The following DPP10 variants were observed in gnomAD, a reference collection of about 807,000 sequenced individuals.
The protein encoded by DPP10 is inactive dipeptidyl peptidase 10.
A neutral mutation model predicts 120.9 loss-of-function variants in DPP10; 33 were observed. The ratio of observed to expected loss-of-function variants is 0.27; its 90% CI spans 0.21 to 0.37. The LOEUF is 0.37. DPP10 is among the 10% of genes least tolerant of loss of function. The pLI, the probability that DPP10 is intolerant of heterozygous loss-of-function variation, is 1.00. For missense variants in DPP10, 816 were observed against 942.8 expected, an observed-to-expected ratio of 0.87 and a Z score of 1.76; for synonymous variants, 337 against 326.1, an observed-to-expected ratio of 1.03 and a Z score of -0.36.
intron 1 of DPP10, among the ~76,000 whole-genome samples, chr2:114,926,042 T>C (rs1022567027): frequency 1.3e-5 from 2 of 152,146 alleles, no homozygotes; most frequent in Non-Finnish European, 1.5e-5. Flanking sequence ...ATTGCAACAT[T>C]GTAACGTGTG....
chr2:115,660,479 C>A (rs909838883), intron 5 of DPP10, among the ~76,000 whole-genome samples: 1 of 152,030 alleles, frequency 6.6e-6, no homozygotes, highest in Admixed American at 6.6e-5. Context: ...AGATTTCTCC[C>A]CTGAAAATAG....
chr2:114,550,948 A>G (rs2104870485), intron 1 of DPP10, among the ~76,000 whole-genome samples: 1 of 152,320 alleles, frequency 6.6e-6, no homozygotes, highest in East Asian at 1.9e-4. Context: ...ATAGAGGTAA[A>G]CAGAGTTCTT....
At chr2:114,464,506 A>C (rs72949868) in intron 1 of DPP10, among the ~76,000 whole-genome samples, 9,940 of 152,184 alleles carry the variant, frequency 0.065, 564 homozygotes, top group African/African-American at 0.15. Flanking sequence ...CATATCGTTT[A>C]TTAGATATGG....
chr2:115,199,905 C>T (rs1226643171), intron 1 of DPP10, among the ~76,000 whole-genome samples: 2 of 152,064 alleles, frequency 1.3e-5, no homozygotes, highest in African/African-American at 4.8e-5. Context: ...CAAACATTGT[C>T]ATAACACCCA....
rs147190510 is a variant in DPP10, at chr2:114,751,283, A to C, written c.60+308445A>C. ...AAACTAAGCTTGAAGGTTCTGCAAA[A>C]TGCCAAATATATACAAGTGCTTTTG... On this transcript the variant is annotated intron_variant, in intron 1 of 25. Coordinates refer to ENST00000410059, the MANE Select transcript of DPP10 (RefSeq NM_020868.6). Among the ~76,000 whole-genome samples the C allele has an allele frequency of 1.2e-3, 179 of 152,350 alleles. 2 individuals carry two copies. The highest frequency in any genetic ancestry group is 9.9e-3 in the Admixed American group (152 of 15,308).
chr2:114,698,865 T>G (rs2105804800), intron 1 of DPP10, among the ~76,000 whole-genome samples: 1 of 152,266 alleles, frequency 6.6e-6, no homozygotes, highest in African/African-American at 2.4e-5. Context: ...GAATACTGTC[T>G]GTATAGTCAG....
chr2:115,299,472 A>G (rs1208510467), intron 1 of DPP10, among the ~76,000 whole-genome samples: 1 of 152,052 alleles, frequency 6.6e-6, no homozygotes, highest in Non-Finnish European at 1.5e-5. Flanking sequence ...TTGGCTGTCT[A>G]ACTTGGCTCC....
chr2:115,791,083 T>C lies in DPP10; in HGVS notation c.1534T>C (p.Tyr512His). Residue 512 changes from tyrosine (Y) to histidine (H), a missense_variant and splice_region_variant, in exon 18 of 26, where the codon TAT (tyrosine) becomes CAT (histidine). By Grantham distance (83) the Tyr-to-His change is moderately conservative. Transcript: ENST00000410059. ...SLHSTDNPAK[Y>H]FILESNSMLK... ...ACACTACCCTTTTTGGTTTACAGAATATTTTATATTGGAAAGCAATTCTAT... is the reference window on the plus strand; with the variant it reads ...ACACTACCCTTTTTGGTTTACAGAACATTTTATATTGGAAAGCAATTCTAT... 1 of 1,610,302 alleles carries C rather than the reference T, an allele frequency of 6.2e-7. No individual in the cohort carries two copies. The highest frequency in any genetic ancestry group is 8.5e-7 in the Non-Finnish European group (1 of 1,178,360).
chr2:115,221,754 GTTTTT>G (rs56077672), intron 1 of DPP10, among the ~76,000 whole-genome samples: 9 of 120,146 alleles, frequency 7.5e-5, no homozygotes, highest in South Asian at 2.6e-4. Context: ...GTTTGTTTCT[GTTTTT>G]TTTTTTTTTT....
intron 1 of DPP10, among the ~76,000 whole-genome samples, chr2:114,678,504 G>C (rs12479364): frequency 1.8e-3 from 267 of 152,000 alleles, no homozygotes; most frequent in African/African-American, 6.2e-3. Flanking sequence ...TCTGGACTCC[G>C]GCACATGTGC....
intron 1 of DPP10, among the ~76,000 whole-genome samples, chr2:115,177,913 G>T (rs1001785030): frequency 6.6e-6 from 1 of 151,974 alleles, no homozygotes; most frequent in Non-Finnish European, 1.5e-5. Flanking sequence ...ACAGGTGCCC[G>T]CCACCACGCC....
chr2:115,547,411 A>G (rs1159964139), intron 5 of DPP10, among the ~76,000 whole-genome samples: 1 of 152,200 alleles, frequency 6.6e-6, no homozygotes, highest in Non-Finnish European at 1.5e-5. Flanking sequence ...AAACGAAAAC[A>G]AAATGCTTTA....
chr2:115,270,084 ACACACAC>A (rs2059627264), intron 1 of DPP10, among the ~76,000 whole-genome samples: 1 of 148,222 alleles, frequency 6.7e-6, no homozygotes, highest in Admixed American at 6.7e-5. Flanking sequence ...ACACACACAC[ACACACAC>A]ACACACACAC....
chr2:114,485,229 C>T (rs916888183), intron 1 of DPP10, among the ~76,000 whole-genome samples: 1 of 152,124 alleles, frequency 6.6e-6, no homozygotes, highest in African/African-American at 2.4e-5. Context: ...ATAGTTCTTT[C>T]TTACTCACAG....
At chr2:114,839,119 A>G (rs185500596) in intron 1 of DPP10, among the ~76,000 whole-genome samples, 65 of 152,308 alleles carry the variant, frequency 4.3e-4, no homozygotes, top group African/African-American at 1.6e-3. Context: ...TTTTGCTGCA[A>G]TTAATTGTTG....
At chr2:115,591,160 A>T (rs2082636304) in intron 5 of DPP10, among the ~76,000 whole-genome samples, 1 of 152,108 alleles carries the variant, frequency 6.6e-6, no homozygotes, top group Admixed American at 6.6e-5. Context: ...CTTTAGTTTA[A>T]TTAGATCCCA....
At chr2:115,387,174 T>C (rs2067002764) in intron 3 of DPP10, among the ~76,000 whole-genome samples, 2 of 152,066 alleles carry the variant, frequency 1.3e-5, no homozygotes, top group Non-Finnish European at 2.9e-5. Context: ...GGCTGACCCC[T>C]TCACCTGTGT....
chr2:114,649,731 C>T (rs905322318), intron 1 of DPP10, among the ~76,000 whole-genome samples: 3 of 152,122 alleles, frequency 2.0e-5, no homozygotes, highest in Non-Finnish European at 4.4e-5. Flanking sequence ...CAGTTTTGGA[C>T]TAGTATATAG....
At chr2:115,697,774 G>T (rs112720552) in intron 7 of DPP10, among the ~76,000 whole-genome samples, 1 of 151,674 alleles carries the variant, frequency 6.6e-6, no homozygotes, top group African/African-American at 2.4e-5. Flanking sequence ...TCACGAGGTC[G>T]GGAGATCGAG....
Sources: allele counts gnomAD v4.1 joint callset (sites outside exome capture counted in the v4.1 genomes callset), GRCh38; gene constraint gnomAD v4.1.1; transcripts MANE v1.5; gene names NCBI Gene and HGNC (gene_info 2026-07-23, HGNC 2026-07-21).